The following RAD51B variants were observed in gnomAD, a reference collection of about 807,000 sequenced individuals.
RAD51B encodes the protein RAD51 paralog B.
RAD51B carries 38 observed loss-of-function variants against 42.2 expected under a neutral mutation model. The ratio of observed to expected loss-of-function variants is 0.90; its 90% CI spans 0.70 to 1.18. The LOEUF (loss-of-function observed/expected upper bound fraction) is 1.18. Among genes scored for constraint, RAD51B ranks in the 50% most tolerant of loss-of-function variants. RAD51B has a pLI of 0.00. For missense variants in RAD51B, 373 were observed against 400.7 expected, an observed-to-expected ratio of 0.93 and a Z score of 0.59; for synonymous variants, 154 against 145.2, an observed-to-expected ratio of 1.06 and a Z score of -0.43.
chr14:67,853,256 C>T (rs1360236952), intron 4 of RAD51B, among the ~76,000 whole-genome samples: 2 of 152,216 alleles, frequency 1.3e-5, no homozygotes, highest in Non-Finnish European at 2.9e-5. Context: ...AAGAGTCCAG[C>T]TCAGCTGAGA....
intron 7 of RAD51B, among the ~76,000 whole-genome samples, chr14:68,222,416 T>C (rs1325236123): frequency 6.6e-6 from 1 of 152,198 alleles, no homozygotes; most frequent in Non-Finnish European, 1.5e-5. Flanking sequence ...CTAAGTGAAG[T>C]AACTCAGGAA....
intron 7 of RAD51B, among the ~76,000 whole-genome samples, chr14:68,182,987 A>G (rs1426337307): frequency 6.6e-6 from 1 of 152,062 alleles, no homozygotes; most frequent in Non-Finnish European, 1.5e-5. Flanking sequence ...ATGTTGGTTT[A>G]TGATTTTGAT....
At chr14:68,016,733 A>T (rs1430815087) in intron 7 of RAD51B, among the ~76,000 whole-genome samples, 1 of 152,206 alleles carries the variant, frequency 6.6e-6, no homozygotes, top group African/African-American at 2.4e-5. Context: ...TAAGGAAATT[A>T]TCTGTGAATT....
intron 7 of RAD51B, among the ~76,000 whole-genome samples, chr14:68,288,758 G>A (rs1008449596): frequency 2.0e-5 from 3 of 152,140 alleles, no homozygotes; most frequent in Non-Finnish European, 4.4e-5. Context: ...TTGCATGGTA[G>A]GTATTAAGTA....
intron 10 of RAD51B, chr14:68,541,225 T>C: frequency 1.0e-6 from 1 of 985,430 alleles, no homozygotes; most frequent in African/African-American, 1.7e-5. Flanking sequence ...TTCGGGCTCC[T>C]CTTTTCTTGA....
intron 7 of RAD51B, among the ~76,000 whole-genome samples, chr14:68,268,597 G>A (rs568928560): frequency 1.1e-4 from 17 of 152,332 alleles, no homozygotes; most frequent in African/African-American, 3.8e-4. Context: ...CTGAGATAGT[G>A]ATGAACTAGG....
At chr14:68,366,902 AG>A (rs1357202359) in intron 8 of RAD51B, among the ~76,000 whole-genome samples, 2 of 152,246 alleles carry the variant, frequency 1.3e-5, no homozygotes, top group Non-Finnish European at 2.9e-5. Context: ...CTTGGTTGAA[AG>A]AAAAGGGCAA....
chr14:67,844,891 G>T (rs1327915126), intron 4 of RAD51B, among the ~76,000 whole-genome samples: 1 of 152,014 alleles, frequency 6.6e-6, no homozygotes, highest in East Asian at 1.9e-4. Flanking sequence ...ATCTTTAGTG[G>T]TTTAAAGTCG....
intron 9 of RAD51B, among the ~76,000 whole-genome samples, chr14:68,428,297 CCA>C (rs2084903184): frequency 6.6e-6 from 1 of 152,104 alleles, no homozygotes; most frequent in Admixed American, 6.6e-5. Flanking sequence ...TGTCCTCTAG[CCA>C]CAGACACAAT....
At chr14:68,515,644 G>A (rs1401568057) in intron 10 of RAD51B, among the ~76,000 whole-genome samples, 4 of 150,178 alleles carry the variant, frequency 2.7e-5, no homozygotes, top group African/African-American at 7.3e-5. Flanking sequence ...ATGGGGTCTC[G>A]CTATGTTGCC....
At chr14:68,439,397 C>G (rs1212496003) in intron 9 of RAD51B, among the ~76,000 whole-genome samples, 3 of 152,126 alleles carry the variant, frequency 2.0e-5, no homozygotes, top group African/African-American at 7.2e-5. Flanking sequence ...CTCATTGTCC[C>G]CTATTTTCAT....
At chr14:68,011,125 T>A (rs1310873204) in intron 7 of RAD51B, among the ~76,000 whole-genome samples, 2 of 151,980 alleles carry the variant, frequency 1.3e-5, no homozygotes, top group African/African-American at 4.8e-5. Context: ...ATTGGATTGG[T>A]TTTCTGATGA....
intron 4 of RAD51B, among the ~76,000 whole-genome samples, chr14:67,848,032 T>C (rs1430467577): frequency 6.6e-6 from 1 of 152,204 alleles, no homozygotes; most frequent in African/African-American, 2.4e-5. Flanking sequence ...TTTGTTGTTG[T>C]TGTTAAGATG....
chr14:68,243,077 A>G (rs1429029435), intron 7 of RAD51B, among the ~76,000 whole-genome samples: 1 of 152,138 alleles, frequency 6.6e-6, no homozygotes, highest in African/African-American at 2.4e-5. Context: ...TGCATCATAT[A>G]TTATTTATTA....
rs1369577435 is a variant in RAD51B, at chr14:68,452,019, A to C, written c.958-16153A>C. Among the ~76,000 whole-genome samples the C allele has an allele frequency of 3.3e-5, 5 of 152,186 alleles. 1 individual carries two copies. The highest frequency in any genetic ancestry group is 1.2e-4 in the African/African-American group (5 of 41,442). The stretch of plus-strand genomic sequence containing the variant: ...ATAGTCTTCCTTCTGTGACCCTTGA[A>C]GGCCAGAGCTGCCTTGCCTCTGCTG... On this transcript the variant is annotated intron_variant, in intron 9 of 10. Transcript: ENST00000471583.
At chr14:68,679,258 TAAAC>T (rs367940837) in intron 11 of RAD51B, among the ~76,000 whole-genome samples, 3,130 of 152,102 alleles carry the variant, frequency 0.021, 109 homozygotes, top group African/African-American at 0.07. Flanking sequence ...TTTGTAAGTT[TAAAC>T]AAACAAACAA....
At chr14:68,172,424 T>G (rs1188709562) in intron 7 of RAD51B, among the ~76,000 whole-genome samples, 1 of 152,192 alleles carries the variant, frequency 6.6e-6, no homozygotes, top group East Asian at 1.9e-4. Context: ...TTTTCTAATT[T>G]GGAGAATAAG....
At chr14:68,101,467 T>C (rs1010502710) in intron 7 of RAD51B, among the ~76,000 whole-genome samples, 1 of 152,136 alleles carries the variant, frequency 6.6e-6, no homozygotes, top group Non-Finnish European at 1.5e-5. Flanking sequence ...ATTGGGTAAA[T>C]ACACCCATTC....
At chr14:67,993,018 A>G (rs1162182648) in intron 7 of RAD51B, among the ~76,000 whole-genome samples, 3 of 152,128 alleles carry the variant, frequency 2.0e-5, no homozygotes, top group African/African-American at 7.2e-5. Context: ...TTCTCTGACC[A>G]TTTACCTAAA....
Sources: gnomAD v4.1 joint callset for allele counts (sites outside exome capture counted in the v4.1 genomes callset) on GRCh38, gnomAD v4.1.1 for gene constraint, MANE v1.5 for transcripts, NCBI Gene and HGNC (gene_info 2026-07-23, HGNC 2026-07-21) for gene names.